CRACR2A: variants seen among roughly 807,000 people sequenced by gnomAD.
CRACR2A encodes the protein EF-hand calcium-binding domain-containing protein 4B.
In CRACR2A, 79 loss-of-function variants were observed where a neutral mutation model predicts 90.5. That is an observed-to-expected ratio of 0.87 (90% CI 0.73 to 1.05). The LOEUF is 1.05. CRACR2A is among the 50% of genes least tolerant of loss of function. The pLI is 0.00. For synonymous variants in CRACR2A, 338 were observed against 356.7 expected (o/e 0.95, Z 0.59); for missense variants, 823 against 897.2 (o/e 0.92, Z 1.06).
At chr12:3,716,367 T>C (rs879733043) in intron 2 of CRACR2A, among the ~76,000 whole-genome samples, 1 of 152,342 alleles carries the variant, frequency 6.6e-6, no homozygotes, top group African/African-American at 2.4e-5. Flanking sequence ...TCCCACTTGT[T>C]TGAAAGTTCC....
intron 7 of CRACR2A, 106 bp from the exon 8 acceptor site, chr12:3,659,760 G>C (rs927241469): frequency 4.6e-6 from 4 of 870,826 alleles, no homozygotes; most frequent in Non-Finnish European, 7.6e-6. Context: ...GTGGGTGTGG[G>C]GGTGACAGCA....
intron 1 of CRACR2A, among the ~76,000 whole-genome samples, chr12:3,733,975 T>TTTA (rs1946402387): frequency 1.5e-5 from 2 of 133,278 alleles, no homozygotes; most frequent in African/African-American, 2.9e-5. Flanking sequence ...TTTGCCTTAT[T>TTTA]TTTTTTTTTT....
intron 17 of CRACR2A, among the ~76,000 whole-genome samples, chr12:3,626,330 T>A (rs779898128): frequency 4.6e-5 from 7 of 152,238 alleles, no homozygotes; most frequent in Non-Finnish European, 1.0e-4. Flanking sequence ...TGGTATCCAT[T>A]CATTCATCCA....
At chr12:3,732,912 C>A (rs903900330) in intron 2 of CRACR2A, 30 bp downstream of exon 2, 1 of 152,230 alleles carries the variant, frequency 6.6e-6, no homozygotes, top group African/African-American at 2.4e-5. Context: ...GCTCCCAGTA[C>A]CCCCTGAATC....
In CRACR2A at chr12:3,616,958, C is replaced by T. The variant is rs1867697137; in HGVS notation, c.2107G>A (p.Ala703Thr). ...HNTKESLLHL[A>T]RFLKEQEDTV... ...CTGGGGAGCACATCTCTTTACCTGGCCAGATGGAGCAGGGACTCTTTGGTG... is the reference window on the plus strand; with the variant it reads ...CTGGGGAGCACATCTCTTTACCTGGTCAGATGGAGCAGGGACTCTTTGGTG... The change falls in exon 19 of 20, where the codon GCC becomes ACC. Residue 703 changes from alanine to threonine, a missense_variant. By Grantham distance (58) the Ala-to-Thr change is moderately conservative (BLOSUM62 0). Coordinates refer to ENST00000440314, the MANE Select transcript of CRACR2A (RefSeq NM_001144958.2). The T allele has an allele frequency of 1.3e-6, 2 of 1,550,574 alleles. No homozygotes were observed. Among genetic ancestry groups the T allele is most frequent in the Admixed American group, 2.0e-5 (1 of 50,972 alleles).
chr12:3,617,767 T>C (rs1867718984), intron 18 of CRACR2A, among the ~76,000 whole-genome samples: 1 of 152,172 alleles, frequency 6.6e-6, no homozygotes, highest in Non-Finnish European at 1.5e-5. Flanking sequence ...GGCCCTGGCT[T>C]TTAGATGGCC....
chr12:3,717,693 G>A (rs61636744), intron 2 of CRACR2A, among the ~76,000 whole-genome samples: 20,779 of 152,060 alleles, frequency 0.14, 1,612 homozygotes, highest in Admixed American at 0.23. Flanking sequence ...ATTATTATAC[G>A]GCTTTCAAAG....
chr12:3,658,145 G>C (rs1944952178), intron 8 of CRACR2A, among the ~76,000 whole-genome samples: 1 of 152,182 alleles, frequency 6.6e-6, no homozygotes, highest in African/African-American at 2.4e-5. Flanking sequence ...GAAGGGGAGA[G>C]GGAGGCTGGG....
chr12:3,682,521 G>C (rs375439221), intron 4 of CRACR2A, among the ~76,000 whole-genome samples: 2 of 152,120 alleles, frequency 1.3e-5, no homozygotes, highest in East Asian at 3.9e-4. Context: ...CAATATTATA[G>C]GTTCCAAGTA....
At chr12:3,661,568 T>G (rs770845500) in intron 7 of CRACR2A, among the ~76,000 whole-genome samples, 17 of 152,338 alleles carry the variant, frequency 1.1e-4, no homozygotes, top group Non-Finnish European at 1.5e-4. Flanking sequence ...CTGAGCTAAC[T>G]CATAAGAATT....
chr12:3,733,968 G>C (rs1387969286), intron 1 of CRACR2A, among the ~76,000 whole-genome samples: 2 of 73,926 alleles, frequency 2.7e-5, no homozygotes, highest in Admixed American at 1.8e-4. Context: ...GACACATTTT[G>C]CCTTATTTTT....
intron 13 of CRACR2A, among the ~76,000 whole-genome samples, chr12:3,639,863 A>G (rs779334018): frequency 6.6e-6 from 1 of 152,184 alleles, no homozygotes; most frequent in African/African-American, 2.4e-5. Context: ...CTTTCCAGCA[A>G]ACTTCCTATA....
intron 2 of CRACR2A, among the ~76,000 whole-genome samples, chr12:3,725,561 C>A (rs1565503202): frequency 6.6e-6 from 1 of 152,162 alleles, no homozygotes; most frequent in East Asian, 1.9e-4. Flanking sequence ...TGCAAAGACT[C>A]TTTTTTCCAA....
In CRACR2A at chr12:3,659,580, T is replaced by A. The variant is rs1404858317; in HGVS notation, c.746A>T (p.Glu249Val). 1 of 1,614,158 alleles carries A rather than the reference T, an allele frequency of 6.2e-7. No individual in the cohort carries two copies. The highest frequency in any genetic ancestry group is 8.5e-7 in the Non-Finnish European group (1 of 1,180,010). ...TACACTTACCTTCAGGAGAAACTGC[T>A]CCTTCTCACTTTTGATTTGTTGTTC... is the stretch of plus-strand genomic sequence containing the variant. ...EMEQQIKSEK[E>V]QFLLKDTERF... Residue 249 changes from glutamate (E) to valine (V), a missense_variant, in exon 8 of 20, where the codon GAG becomes GTG. Physicochemically the swap from Glu to Val is moderately radical, Grantham distance 121. Transcript: ENST00000440314.
intron 3 of CRACR2A, among the ~76,000 whole-genome samples, chr12:3,698,256 A>C (rs1945776465): frequency 6.6e-6 from 1 of 152,226 alleles, no homozygotes; most frequent in African/African-American, 2.4e-5. Context: ...TTTGGGTTTA[A>C]AAATAGAGAT....
intron 2 of CRACR2A, chr12:3,731,496 A>G (rs555477607): frequency 6.6e-6 from 1 of 152,388 alleles, no homozygotes; most frequent in Non-Finnish European, 1.5e-5. Flanking sequence ...AGAACAGAGG[A>G]CATGCTCCCC....
intron 14 of CRACR2A, among the ~76,000 whole-genome samples, chr12:3,637,112 C>T (rs1169534815): frequency 1.3e-5 from 2 of 152,164 alleles, no homozygotes; most frequent in African/African-American, 4.8e-5. Context: ...TCTCCCTTTT[C>T]CTACAGAATT....
intron 17 of CRACR2A, among the ~76,000 whole-genome samples, chr12:3,623,993 G>A (rs899821145): frequency 6.6e-6 from 1 of 152,192 alleles, no homozygotes; most frequent in Non-Finnish European, 1.5e-5. Context: ...GGGGCCAGGA[G>A]GGAGCATTTG....
At position 3,738,260 on chromosome 12, in the gene CRACR2A, AATTT is replaced by A. The variant is rs149029071; in HGVS notation, c.-386-5054_-386-5051del. Among the ~76,000 whole-genome samples, 710 of 152,244 alleles carry A rather than the reference AATTT, an allele frequency of 4.7e-3. 6 individuals carry two copies. The highest frequency in any genetic ancestry group is 0.016 in the African/African-American group (666 of 41,570). ...AAAAGTCTTATATAAATTTTTTTTTAATTTCCAAAAGCACTGATGGACTGACAAG... is the reference window on the plus strand; with the variant it reads ...AAAAGTCTTATATAAATTTTTTTTTACCAAAAGCACTGATGGACTGACAAG... On this transcript the variant is annotated intron_variant, in intron 1 of 19. Transcript: ENST00000440314.
Sources: allele counts gnomAD v4.1 joint callset (sites outside exome capture counted in the v4.1 genomes callset), GRCh38; gene constraint gnomAD v4.1.1; transcripts MANE v1.5; gene names NCBI Gene and HGNC (gene_info 2026-07-23, HGNC 2026-07-21).